Variants in EIF3H observed in about 807,000 individuals in gnomAD.
The protein encoded by EIF3H is eukaryotic translation initiation factor 3 subunit H, also known as eIF-3-gamma.
EIF3H carries 26 observed loss-of-function variants against 44.2 expected under a neutral mutation model. The ratio of observed to expected loss-of-function variants is 0.59; its 90% CI spans 0.43 to 0.82. The LOEUF is 0.82. Among genes scored for constraint, EIF3H ranks in the 40% least tolerant of loss-of-function variants. The pLI is 0.00. For synonymous variants in EIF3H, 166 were observed against 151.9 expected (o/e 1.09, Z -0.68); for missense variants, 359 against 432.8 (o/e 0.83, Z 1.51).
chr8:116,765,177 T>C (rs898352613), intron 1 of EIF3H, among the ~76,000 whole-genome samples: 6 of 152,124 alleles, frequency 3.9e-5, no homozygotes, highest in African/African-American at 7.2e-5. Flanking sequence ...AGGATTCAAA[T>C]TGAAAAGTAC....
intron 1 of EIF3H, among the ~76,000 whole-genome samples, chr8:116,764,109 G>C (rs973429284): frequency 1.3e-5 from 2 of 152,050 alleles, no homozygotes; most frequent in Non-Finnish European, 2.9e-5. Flanking sequence ...TAAATTAATC[G>C]CCTACTTACT....
rs189296528 is a variant in EIF3H at position 116,730,906 on chromosome 8, T to A, written c.133-4734A>T. 1.4e-4 allele frequency among the ~76,000 whole-genome samples: 22 copies of A among 152,344 alleles called. No homozygotes were observed. In the East Asian group the frequency reaches 3.7e-3, roughly 25 times the overall value. On this transcript the variant is annotated intron_variant, in intron 1 of 7. Transcript: ENST00000521861. ...CCACCCTGTGAAGTCAGTTATATTA[T>A]TTTCCCATTTTACATAAGGAAACAA...
intron 2 of EIF3H, among the ~76,000 whole-genome samples, chr8:116,724,039 T>C (rs1814794427): frequency 6.6e-6 from 1 of 152,216 alleles, no homozygotes; most frequent in South Asian, 2.1e-4. Context: ...ACAAAATTTC[T>C]GACTTCAAAA....
chr8:116,657,623 A>T (rs1256391188), intron 3 of EIF3H: 1 of 347,548 alleles, frequency 2.9e-6, no homozygotes, highest in Non-Finnish European at 5.3e-6. Context: ...TAAATGTATC[A>T]TATGTTCTAG....
intron 2 of EIF3H, among the ~76,000 whole-genome samples, chr8:116,711,735 G>A (rs1178823269): frequency 6.6e-6 from 1 of 152,074 alleles, no homozygotes; most frequent in Non-Finnish European, 1.5e-5. Flanking sequence ...CATTCTCCAG[G>A]TAAACAAAAA....
chr8:116,709,666 CTT>C (rs1266400792), intron 2 of EIF3H, among the ~76,000 whole-genome samples: 3 of 152,104 alleles, frequency 2.0e-5, no homozygotes, highest in Non-Finnish European at 4.4e-5. Flanking sequence ...AGCTATAGCT[CTT>C]GTCTTTAAGT....
chr8:116,746,689 T>TGTAC (rs1321827789), intron 1 of EIF3H, among the ~76,000 whole-genome samples: 1 of 152,214 alleles, frequency 6.6e-6, no homozygotes, highest in Admixed American at 6.5e-5. Context: ...GATATAATAA[T>TGTAC]GTACGCTAAA....
chr8:116,760,421 A>G, upstream of EIF3H, among the ~76,000 whole-genome samples: 1 of 152,250 alleles, frequency 6.6e-6, no homozygotes, highest in Non-Finnish European at 1.5e-5. Context: ...TTATGAAAGA[A>G]ACTACAGAGA....
Position 116,657,216 on chromosome 8 carries a change from C to T in EIF3H, c.556G>A (p.Ala186Thr). Residue 186 changes from alanine to threonine, a missense_variant and splice_region_variant, in exon 4 of 8, where the codon GCA becomes ACA. Coordinates refer to ENST00000521861, the MANE Select transcript of EIF3H (RefSeq NM_003756.3). ...TACCAGATGCCCCCAAACACTTACG[C>T]TTCAGGGGAAAAATCCTTTTCTTTA... ...VCKEKDFSPE[A>T]LKKANITFEY... 1 of 1,611,578 alleles carries T rather than the reference C, an allele frequency of 6.2e-7. No individual in the cohort carries two copies. Among genetic ancestry groups the T allele is most frequent in the Non-Finnish European group, 8.5e-7 (1 of 1,177,856 alleles).
At chr8:116,745,847 G>T (rs1182198646) in intron 1 of EIF3H, among the ~76,000 whole-genome samples, 1 of 151,988 alleles carries the variant, frequency 6.6e-6, no homozygotes, top group Non-Finnish European at 1.5e-5. Flanking sequence ...CTTGAACCTA[G>T]GAGGTGGAGA....
intron 2 of EIF3H, among the ~76,000 whole-genome samples, chr8:116,718,331 T>C (rs1320556746): frequency 1.3e-5 from 2 of 152,102 alleles, no homozygotes; most frequent in Non-Finnish European, 2.9e-5. Flanking sequence ...GAATTAAAAG[T>C]AGATCTACCA....
At chr8:116,679,329 A>G (rs1381659186) in intron 2 of EIF3H, among the ~76,000 whole-genome samples, 3 of 48,568 alleles carry the variant, frequency 6.2e-5, no homozygotes, top group African/African-American at 9.7e-5. Flanking sequence ...CAGCCGCCCC[A>G]TCCGGGAGGA....
At chr8:116,762,362 T>G (rs768698148) in intron 1 of EIF3H, among the ~76,000 whole-genome samples, 2 of 152,210 alleles carry the variant, frequency 1.3e-5, no homozygotes, top group Non-Finnish European at 2.9e-5. Context: ...ACTTTCACAG[T>G]TGCGAGCGAT....
intron 2 of EIF3H, among the ~76,000 whole-genome samples, chr8:116,720,131 A>G (rs1242108623): frequency 1.3e-5 from 2 of 152,226 alleles, no homozygotes; most frequent in South Asian, 4.1e-4. Context: ...GGCAATTTAT[A>G]TAAGTACACA....
intron 2 of EIF3H, among the ~76,000 whole-genome samples, chr8:116,673,230 C>G (rs1008625931): frequency 6.6e-6 from 1 of 152,122 alleles, no homozygotes; most frequent in South Asian, 2.1e-4. Flanking sequence ...TGGTCACTGC[C>G]GGAGGATCCT....
intron 1 of EIF3H, among the ~76,000 whole-genome samples, chr8:116,764,620 A>G (rs1472924066): frequency 6.6e-6 from 1 of 152,212 alleles, no homozygotes; most frequent in African/African-American, 2.4e-5. Context: ...CTTTTTCTGC[A>G]TATCCCAGGA....
chr8:116,656,118 G>C, intron 4 of EIF3H, 113 bp from the exon 5 acceptor site: 1 of 901,422 alleles, frequency 1.1e-6, no homozygotes, highest in South Asian at 1.9e-5. Flanking sequence ...TGTTTCATTA[G>C]CACTCTTAAA....
chr8:116,655,608 A>G (rs1194225442), intron 5 of EIF3H, among the ~76,000 whole-genome samples: 3 of 152,196 alleles, frequency 2.0e-5, no homozygotes, highest in Non-Finnish European at 4.4e-5. Flanking sequence ...TACAGCAAAG[A>G]AGGCAGCAGA....
At chr8:116,735,928 G>A (rs960783363) in intron 1 of EIF3H, among the ~76,000 whole-genome samples, 1 of 152,122 alleles carries the variant, frequency 6.6e-6, no homozygotes, top group African/African-American at 2.4e-5. Flanking sequence ...GTCAGGTGTG[G>A]AATTTTCCAA....
Sources: gnomAD v4.1 joint callset for allele counts (sites outside exome capture counted in the v4.1 genomes callset) on GRCh38, gnomAD v4.1.1 for gene constraint, MANE v1.5 for transcripts, NCBI Gene and HGNC (gene_info 2026-07-23, HGNC 2026-07-21) for gene names.